Variants in PACRG observed in about 807,000 individuals in gnomAD.
PACRG encodes parkin coregulated, also known as parkin coregulated gene protein.
In PACRG, 29 loss-of-function variants were observed where a neutral mutation model predicts 29.7. The ratio of observed to expected loss-of-function variants is 0.98; its 90% CI spans 0.73 to 1.33. PACRG has a LOEUF of 1.33. PACRG is among the 40% of genes most tolerant of loss of function. The pLI is 0.00. For missense variants in PACRG, 279 were observed against 316.2 expected (o/e 0.88, Z 0.89); for synonymous variants, 116 against 118.7 (o/e 0.98, Z 0.15).
At chr6:163,003,044 G>A (rs1033087013) in intron 2 of PACRG, among the ~76,000 whole-genome samples, 3 of 152,190 alleles carry the variant, frequency 2.0e-5, no homozygotes, top group Non-Finnish European at 4.4e-5. Flanking sequence ...CTGTGGTTAA[G>A]TAACACCCAC....
In PACRG at chr6:163,314,910, G is replaced by T. The variant is rs144946879; in HGVS notation, c.697G>T (p.Glu233Ter). 1 of 1,614,052 alleles carries T rather than the reference G, an allele frequency of 6.2e-7. No homozygotes were observed. ...GATCCAGGAGACACTGGAGGCCTTC[G>T]AGCGCTACGGAGGAGAAAATGCCTT... ...DLIQETLEAF[E>*]RYGGENAFIN... The change falls in exon 5 of 5, where the codon GAG becomes TAG. Residue 233 changes from glutamate (E) to a stop codon, truncating the protein, a stop_gained. Transcript: ENST00000366888. LOFTEE classifies it high-confidence loss of function.
At chr6:162,763,417 A>G (rs965330568) in intron 1 of PACRG, among the ~76,000 whole-genome samples, 3 of 152,236 alleles carry the variant, frequency 2.0e-5, no homozygotes, top group African/African-American at 7.2e-5. Context: ...CACATCCATT[A>G]TCCTTCTGAT....
intron 1 of PACRG, among the ~76,000 whole-genome samples, chr6:162,763,781 G>A (rs1028239983): frequency 5.3e-5 from 8 of 152,100 alleles, no homozygotes; most frequent in East Asian, 1.9e-4. Context: ...AAAGTACAGC[G>A]TTGTTTTATC....
At chr6:163,159,518 G>T (rs1254252604) in intron 4 of PACRG, among the ~76,000 whole-genome samples, 2 of 151,984 alleles carry the variant, frequency 1.3e-5, no homozygotes, top group Non-Finnish European at 2.9e-5. Context: ...ACTGGACTGA[G>T]TCTTGCATTA....
At chr6:163,124,274 C>T (rs1343130454) in intron 4 of PACRG, among the ~76,000 whole-genome samples, 2 of 152,116 alleles carry the variant, frequency 1.3e-5, no homozygotes, top group African/African-American at 4.8e-5. Context: ...GTTTCCTTTG[C>T]TGTGCAGAAA....
chr6:162,971,739 C>A (rs1801544892), intron 2 of PACRG, among the ~76,000 whole-genome samples: 1 of 152,144 alleles, frequency 6.6e-6, no homozygotes, highest in Non-Finnish European at 1.5e-5. Flanking sequence ...CCATTCTTTC[C>A]TAACAAATAC....
At chr6:163,181,355 G>A (rs796327102) in intron 4 of PACRG, among the ~76,000 whole-genome samples, 19 of 152,198 alleles carry the variant, frequency 1.2e-4, no homozygotes, top group African/African-American at 4.6e-4. Context: ...TGATACAGAC[G>A]GCCGCTTGGG....
At chr6:162,755,553 A>C (rs957540726) in intron 1 of PACRG, among the ~76,000 whole-genome samples, 4 of 152,066 alleles carry the variant, frequency 2.6e-5, no homozygotes, top group African/African-American at 9.7e-5. Flanking sequence ...CTCCTGCCTC[A>C]GCCTCCTGAG....
At chr6:162,952,739 G>C (rs1032876174) in intron 2 of PACRG, among the ~76,000 whole-genome samples, 1 of 152,186 alleles carries the variant, frequency 6.6e-6, no homozygotes, top group Admixed American at 6.5e-5. Context: ...GAAGTAGCAT[G>C]CATCATCCTT....
At chr6:163,312,904 C>T in intron 4 of PACRG, 1 of 299,228 alleles carries the variant, frequency 3.3e-6, no homozygotes, top group Non-Finnish European at 6.5e-6. Context: ...AGGTACATGC[C>T]ACCACACCTA....
intron 2 of PACRG, among the ~76,000 whole-genome samples, chr6:162,977,052 AT>A (rs1375577641): frequency 6.6e-6 from 1 of 152,102 alleles, no homozygotes; most frequent in African/African-American, 2.4e-5. Flanking sequence ...AATGAGAAAT[AT>A]TTGTTAAGTA....
intron 2 of PACRG, among the ~76,000 whole-genome samples, chr6:162,843,072 G>A (rs1309846362): frequency 6.7e-6 from 1 of 148,838 alleles, no homozygotes; most frequent in Non-Finnish European, 1.5e-5. Context: ...ACAATTATGT[G>A]TCTTGGAGTT....
At chr6:162,969,195 A>T (rs953417178) in intron 2 of PACRG, among the ~76,000 whole-genome samples, 2 of 152,156 alleles carry the variant, frequency 1.3e-5, no homozygotes, top group African/African-American at 4.8e-5. Context: ...TAGGAATGTC[A>T]GAATAATGGT....
chr6:163,151,541 C>G (rs1243163861), intron 4 of PACRG, among the ~76,000 whole-genome samples: 2 of 152,160 alleles, frequency 1.3e-5, no homozygotes, highest in African/African-American at 4.8e-5. Context: ...CGAATCTGTG[C>G]TATGTTGTAT....
chr6:163,011,352 G>A (rs1051589149), intron 2 of PACRG, among the ~76,000 whole-genome samples: 4 of 152,230 alleles, frequency 2.6e-5, no homozygotes, highest in Non-Finnish European at 5.9e-5. Context: ...CCTACAGCAA[G>A]TGATCGTCCT....
At chr6:163,050,460 T>A (rs1809883134) in intron 2 of PACRG, among the ~76,000 whole-genome samples, 1 of 152,148 alleles carries the variant, frequency 6.6e-6, no homozygotes, top group Non-Finnish European at 1.5e-5. Flanking sequence ...CTCATAATAG[T>A]CACTGCTTAT....
At chr6:163,241,947 G>A (rs998472612) in intron 4 of PACRG, among the ~76,000 whole-genome samples, 1 of 152,164 alleles carries the variant, frequency 6.6e-6, no homozygotes, top group South Asian at 2.1e-4. Context: ...AGTGAAGGGG[G>A]AGACGTGAGG....
chr6:162,963,996 T>C (rs1297410181), intron 2 of PACRG, among the ~76,000 whole-genome samples: 1 of 152,192 alleles, frequency 6.6e-6, no homozygotes, highest in African/African-American at 2.4e-5. Flanking sequence ...GTGAGATGTC[T>C]TGCCAGGAGG....
In PACRG at chr6:163,179,306, G is replaced by A. The variant is rs947077953; in HGVS notation, c.613+89898G>A. ...CTCAGCCTTCCTTCCCACCACACCTGCACCTTGCTGAGCCACTGCTCCCAA... is the reference window on the plus strand; with the variant it reads ...CTCAGCCTTCCTTCCCACCACACCTACACCTTGCTGAGCCACTGCTCCCAA... On this transcript the variant is annotated intron_variant, in intron 4 of 4. Coordinates refer to ENST00000366888, the MANE Select transcript of PACRG (RefSeq NM_001080379.2). The A allele has an allele frequency of 1.1e-5, 5 of 453,650 alleles. No individual in the cohort carries two copies. The Admixed American group carries it at 1.2e-4, about 11-fold the overall frequency. 28.1% of individuals were successfully genotyped at this position (453,650 alleles called of 1,614,324 possible).
Sources: allele counts gnomAD v4.1 joint callset (sites outside exome capture counted in the v4.1 genomes callset), GRCh38; gene constraint gnomAD v4.1.1; transcripts MANE v1.5; gene names NCBI Gene and HGNC (gene_info 2026-07-23, HGNC 2026-07-21).